Variants in AKR1C1 observed in about 807,000 individuals in gnomAD.
AKR1C1 encodes aldo-keto reductase family 1 member C1, also known as 20 alpha-hydroxysteroid dehydrogenase.
A neutral mutation model predicts 40.6 loss-of-function variants in AKR1C1; 32 were observed. That is an observed-to-expected ratio of 0.79 (90% CI 0.60 to 1.06). The LOEUF is 1.06. Among genes scored for constraint, AKR1C1 ranks in the 50% least tolerant of loss-of-function variants. AKR1C1 has a pLI of 0.00. For synonymous variants in AKR1C1, 105 were observed against 134.2 expected, an observed-to-expected ratio of 0.78 and a Z score of 1.50; for missense variants, 320 against 363.5, an observed-to-expected ratio of 0.88 and a Z score of 0.97.
intron 5 of AKR1C1, chr10:4,969,786 C>T (rs1836395258): frequency 1.3e-6 from 2 of 1,574,380 alleles, no homozygotes; most frequent in Non-Finnish European, 1.7e-6. Context: ...AGTTACTACA[C>T]TTTTCCCAGT....
At chr10:4,970,049 T>C in intron 5 of AKR1C1, 1 of 320,510 alleles carries the variant, frequency 3.1e-6, no homozygotes, top group Non-Finnish European at 5.9e-6. Context: ...CCATTTATAT[T>C]CAAAATTACT....
At position 4,963,427 on chromosome 10, in the gene AKR1C1, G is replaced by A. The variant is rs780527109; in HGVS notation, c.-18G>A. The stretch of plus-strand genomic sequence containing the variant: ...GGGAGGAAGAAAGAAACATTTGCCA[G>A]CCAGGCTAGTGACAGAAATGGATTC... On this transcript the variant is annotated 5_prime_UTR_variant, in exon 1 of 9. Coordinates refer to ENST00000380872, the MANE Select transcript of AKR1C1 (RefSeq NM_001353.6). 2.5e-6 allele frequency: 4 copies of A among 1,613,538 alleles called. No homozygotes were observed. The highest frequency in any genetic ancestry group is 2.7e-5 in the African/African-American group (2 of 74,912).
chr10:4,965,229 T>C (rs1418532678), intron 1 of AKR1C1, among the ~76,000 whole-genome samples: 1 of 152,194 alleles, frequency 6.6e-6, no homozygotes, highest in East Asian at 1.9e-4. Context: ...TTTCCTTCCA[T>C]GTGGCTATTT....
At chr10:4,975,198 A>G (rs1490781738) in intron 7 of AKR1C1, among the ~76,000 whole-genome samples, 1 of 152,074 alleles carries the variant, frequency 6.6e-6, no homozygotes, top group Non-Finnish European at 1.5e-5. Context: ...CTTCTTACCT[A>G]CATTCATCAA....
At chr10:4,969,998 T>C in intron 5 of AKR1C1, 1 of 394,922 alleles carries the variant, frequency 2.5e-6, no homozygotes, top group South Asian at 3.0e-5. Context: ...TTTTCACACT[T>C]TCCAAAAATT....
chr10:4,971,410 C>T (rs1337510756), intron 5 of AKR1C1, among the ~76,000 whole-genome samples: 3 of 150,904 alleles, frequency 2.0e-5, no homozygotes, highest in Admixed American at 6.6e-5. Context: ...TTCTCATTGT[C>T]GCACTAATTA....
chr10:4,966,948 C>A lies in AKR1C1; in HGVS notation c.274C>A (p.Pro92Thr), dbSNP rs763383627. 1.9e-6 allele frequency: 3 copies of A among 1,613,458 alleles called. No homozygotes were observed. The highest frequency in any genetic ancestry group is 2.7e-5 in the African/African-American group (2 of 74,896). ...GCAGCTTTGGTGCAATTCCCATCGACCAGAGTTGGTCCGACCAGCCTTGGA... is the reference window on the plus strand; with the variant it reads ...GCAGCTTTGGTGCAATTCCCATCGAACAGAGTTGGTCCGACCAGCCTTGGA... ...TSKLWCNSHR[P>T]ELVRPALERS... The change falls in exon 3 of 9, where the codon CCA becomes ACA. Residue 92 changes from proline to threonine, a missense_variant. Around this residue, in one of 3 missense-constraint regions of AKR1C1, gnomAD observed 214 missense variants for 214.8 expected, o/e 1.00. Coordinates refer to ENST00000380872, the MANE Select transcript of AKR1C1 (RefSeq NM_001353.6).
intron 3 of AKR1C1, 75 bp from the exon 4 acceptor site, chr10:4,968,233 TA>T: frequency 7.0e-7 from 1 of 1,420,432 alleles, no homozygotes; most frequent in Non-Finnish European, 9.7e-7. Context: ...TTAGTGTCCT[TA>T]AATGTACCTC....
intron 5 of AKR1C1, chr10:4,970,077 T>C: frequency 3.3e-6 from 1 of 301,692 alleles, no homozygotes; most frequent in South Asian, 3.4e-5. Flanking sequence ...TGCAATGTTA[T>C]ATGGAGTATA....
chr10:4,969,220 A>G lies in AKR1C1; in HGVS notation c.570+276A>G, dbSNP rs560164248. Among the ~76,000 whole-genome samples, 3 of 152,352 alleles carry G rather than the reference A, an allele frequency of 2.0e-5. No individual in the cohort carries two copies. The East Asian group carries it at 5.8e-4, about 29-fold the overall frequency. ...AGGATTGTCAATTAGACTCAGGGAA[A>G]GGTGGACTTACCCCTAAGCTATGAA... On this transcript the variant is annotated intron_variant, in intron 5 of 8. Transcript: ENST00000380872.
At chr10:4,968,274 T>C in intron 3 of AKR1C1, 35 bp from the exon 4 acceptor site, 2 of 1,419,778 alleles carry the variant, frequency 1.4e-6, no homozygotes, top group Non-Finnish European at 1.9e-6. Flanking sequence ...AGAAATTGAC[T>C]TGTGACATCA....
chr10:4,966,527 G>A (rs1415644636), intron 2 of AKR1C1, among the ~76,000 whole-genome samples: 2 of 152,158 alleles, frequency 1.3e-5, no homozygotes, highest in African/African-American at 4.8e-5. Context: ...AGCCCAAGTT[G>A]ACATATTAAA....
Position 4,968,366 on chromosome 10 carries a change from G to C in AKR1C1, c.427G>C (p.Asp143His). 6.4e-7 allele frequency: 1 copy of C among 1,574,096 alleles called. No individual in the cohort carries two copies. The highest frequency in any genetic ancestry group is 8.7e-7 in the Non-Finnish European group (1 of 1,152,212). Residue 143 changes from aspartate to histidine, a missense_variant, in exon 4 of 9, where the codon GAT becomes CAT. By Grantham distance (81) the Asp-to-His change is moderately conservative. Transcript: ENST00000380872. ...ENGKILFDTV[D>H]LCATWEAVEK... ...TGGAAAAATACTATTTGACACAGTG[G>C]ATCTCTGTGCCACATGGGAGGTGAG...
chr10:4,977,978 A>G lies in AKR1C1; in HGVS notation c.*236A>G, dbSNP rs1409244151. 2.0e-5 allele frequency: 11 copies of G among 561,836 alleles called. No homozygotes were observed. The highest frequency in any genetic ancestry group is 3.9e-5 in the Admixed American group (1 of 25,426). The allele number at this position is 561,836 out of a possible 1,614,324, so 34.8% of individuals were successfully genotyped here. A position where few individuals can be genotyped will look rare whatever the true frequency, so the allele number is the denominator to read the frequency against. On this transcript the variant is annotated 3_prime_UTR_variant, in exon 9 of 9. Transcript: ENST00000380872. ...AGATTCTTCACCTACTTTGGTCTCC[A>G]TAACTTCTATGTTTTCTTTCCTTCT...
chr10:4,977,728 T>G lies in AKR1C1; in HGVS notation c.958T>G (p.Ser320Ala), dbSNP rs1836549102. Residue 320 changes from serine to alanine, a missense_variant, in exon 9 of 9, where the codon TCT becomes GCT. Ser to Ala is a moderately conservative substitution (Grantham distance 99). Coordinates refer to ENST00000380872, the MANE Select transcript of AKR1C1 (RefSeq NM_001353.6). ...TGCTGGCCCCCCTAATTATCCATTT[T>G]CTGATGAATATTAACATGGAGGGCA... The part of the protein sequence containing the change: ...IFAGPPNYPF[S>A]DEY 1 of 1,610,252 alleles carries G rather than the reference T, an allele frequency of 6.2e-7. No homozygotes were observed. The highest frequency in any genetic ancestry group is 1.7e-5 in the Admixed American group (1 of 58,776).
chr10:4,974,043 T>A (rs1836484516), intron 7 of AKR1C1, among the ~76,000 whole-genome samples: 1 of 151,462 alleles, frequency 6.6e-6, no homozygotes, highest in South Asian at 2.1e-4. Flanking sequence ...TACTCTGAAA[T>A]AATGATACAG....
chr10:4,979,431 C>G lies in AKR1C1; in HGVS notation c.*1689C>G, dbSNP rs1436221401. The stretch of plus-strand genomic sequence containing the variant: ...CACACTTAGCATGTCTCAAAGAAAT[C>G]TCATGTAAACCATGGCCATCCTGTT... On this transcript the variant is annotated 3_prime_UTR_variant, in exon 9 of 9. Transcript: ENST00000380872. The G allele has an allele frequency of 6.6e-6, 1 of 152,136 alleles. No homozygotes were observed. The highest frequency in any genetic ancestry group is 2.4e-5 in the African/African-American group (1 of 41,426). 9.4% of individuals were successfully genotyped at this position (152,136 alleles called of 1,614,324 possible).
chr10:4,966,131 G>T, intron 2 of AKR1C1, 50 bp downstream of exon 2: 1 of 1,574,872 alleles, frequency 6.3e-7, no homozygotes, highest in Non-Finnish European at 8.6e-7. Flanking sequence ...TTGTGATTGT[G>T]TGGAGGTGGC....
chr10:4,968,791 T>C (rs745930109), intron 4 of AKR1C1, 31 bp from the exon 5 acceptor site: 1 of 1,613,046 alleles, frequency 6.2e-7, no homozygotes, highest in Non-Finnish European at 8.5e-7. Context: ...TTTATCTTGA[T>C]CTTCCACACC....
Sources: allele counts gnomAD v4.1 joint callset (sites outside exome capture counted in the v4.1 genomes callset), GRCh38; gene constraint gnomAD v4.1.1; regional missense constraint gnomAD v4.1.1; transcripts MANE v1.5; gene names NCBI Gene and HGNC (gene_info 2026-07-23, HGNC 2026-07-21).